The following ADAMTS12 variants were observed in gnomAD, a reference collection of about 807,000 sequenced individuals.
ADAMTS12 encodes the protein ADAM metallopeptidase with thrombospondin type 1 motif 12.
ADAMTS12 carries 118 observed loss-of-function variants against 167.8 expected under a neutral mutation model. The observed-to-expected ratio is 0.70, with a 90% CI of 0.61 to 0.82. ADAMTS12 has a LOEUF of 0.82. Among genes scored for constraint, ADAMTS12 ranks in the 40% least tolerant of loss-of-function variants. The pLI, the probability that ADAMTS12 is intolerant of heterozygous loss-of-function variation, is 0.00. For missense variants in ADAMTS12, 1,916 were observed against 1,998.8 expected, an observed-to-expected ratio of 0.96 and a Z score of 0.79; for synonymous variants, 704 against 716.9, an observed-to-expected ratio of 0.98 and a Z score of 0.29.
intron 1 of ADAMTS12, 83 bp from the exon 2 acceptor site, chr5:33,881,563 G>GT: frequency 1.4e-6 from 2 of 1,434,100 alleles, no homozygotes; most frequent in Non-Finnish European, 1.8e-6. Flanking sequence ...TTGAATGCTA[G>GT]CTTTTTTTTT....
intron 2 of ADAMTS12, among the ~76,000 whole-genome samples, chr5:33,763,449 G>A (rs1406507416): frequency 6.6e-6 from 1 of 152,176 alleles, no homozygotes; most frequent in Non-Finnish European, 1.5e-5. Flanking sequence ...CAAAAGGAAG[G>A]TAGCCATGGC....
At chr5:33,800,177 T>A (rs1037690917) in intron 2 of ADAMTS12, among the ~76,000 whole-genome samples, 1 of 152,234 alleles carries the variant, frequency 6.6e-6, no homozygotes, top group African/African-American at 2.4e-5. Flanking sequence ...ATTTGGTGAA[T>A]AGCTCAGTCA....
chr5:33,870,640 G>A (rs1338370109), intron 2 of ADAMTS12, among the ~76,000 whole-genome samples: 3 of 152,166 alleles, frequency 2.0e-5, no homozygotes, highest in African/African-American at 7.2e-5. Flanking sequence ...AAATGATATG[G>A]TTTGGATTTG....
At chr5:33,813,339 C>T (rs1479402027) in intron 2 of ADAMTS12, among the ~76,000 whole-genome samples, 2 of 152,184 alleles carry the variant, frequency 1.3e-5, no homozygotes, top group African/African-American at 4.8e-5. Context: ...AAGGTGAGCA[C>T]ATTTTGATGC....
chr5:33,878,218 C>T (rs529786385), intron 2 of ADAMTS12, among the ~76,000 whole-genome samples: 1 of 152,252 alleles, frequency 6.6e-6, no homozygotes, highest in South Asian at 2.1e-4. Flanking sequence ...AGCAAATGAA[C>T]TTGAATCCAG....
intron 22 of ADAMTS12, among the ~76,000 whole-genome samples, chr5:33,539,550 C>A (rs1386646986): frequency 6.6e-6 from 1 of 152,170 alleles, no homozygotes; most frequent in Non-Finnish European, 1.5e-5. Flanking sequence ...GATATTTGAT[C>A]TTTTCTCTTT....
At chr5:33,588,346 C>T (rs1354202177) in intron 18 of ADAMTS12, among the ~76,000 whole-genome samples, 1 of 152,098 alleles carries the variant, frequency 6.6e-6, no homozygotes, top group Non-Finnish European at 1.5e-5. Context: ...TCTTTGTGAT[C>T]CTGTACTGGG....
At chr5:33,626,585 T>G (rs1311329611) in intron 13 of ADAMTS12, among the ~76,000 whole-genome samples, 2 of 135,288 alleles carry the variant, frequency 1.5e-5, no homozygotes, top group African/African-American at 2.8e-5. Flanking sequence ...TGGTGGTGAT[T>G]TAATGGTAAT....
At chr5:33,717,553 C>A (rs1388650713) in intron 3 of ADAMTS12, among the ~76,000 whole-genome samples, 1 of 152,140 alleles carries the variant, frequency 6.6e-6, no homozygotes, top group Non-Finnish European at 1.5e-5. Flanking sequence ...GGGACTGAAA[C>A]AGCCGATTTG....
intron 2 of ADAMTS12, among the ~76,000 whole-genome samples, chr5:33,833,416 A>AG (rs1262004325): frequency 1.3e-5 from 2 of 152,212 alleles, no homozygotes; most frequent in African/African-American, 4.8e-5. Flanking sequence ...AGGGGAGCTC[A>AG]GGGACTTTGT....
chr5:33,784,200 AT>A (rs1319488297), intron 2 of ADAMTS12, among the ~76,000 whole-genome samples: 1 of 151,894 alleles, frequency 6.6e-6, no homozygotes, highest in Non-Finnish European at 1.5e-5. Context: ...ATGAGGGAGA[AT>A]TTTCAACCTT....
intron 5 of ADAMTS12, among the ~76,000 whole-genome samples, chr5:33,669,038 G>A (rs1561204855): frequency 6.6e-6 from 1 of 152,180 alleles, no homozygotes. Context: ...TTAATAAAGA[G>A]ATGTAAAGTA....
chr5:33,770,574 A>G (rs1318557535), intron 2 of ADAMTS12, among the ~76,000 whole-genome samples: 1 of 152,152 alleles, frequency 6.6e-6, no homozygotes, highest in African/African-American at 2.4e-5. Context: ...AGAAAAATTC[A>G]GGGGTCTAAG....
chr5:33,730,144 C>T (rs1262500427), intron 3 of ADAMTS12, among the ~76,000 whole-genome samples: 1 of 152,172 alleles, frequency 6.6e-6, no homozygotes, highest in African/African-American at 2.4e-5. Flanking sequence ...GGTTACAGAT[C>T]AAATATGAAA....
At chr5:33,820,391 G>A (rs572159837) in intron 2 of ADAMTS12, among the ~76,000 whole-genome samples, 1 of 152,162 alleles carries the variant, frequency 6.6e-6, no homozygotes, top group Non-Finnish European at 1.5e-5. Context: ...TTTTAAGTAT[G>A]CTTTTGCATT....
At chr5:33,788,317 G>A (rs1465438) in intron 2 of ADAMTS12, among the ~76,000 whole-genome samples, 1 of 151,702 alleles carries the variant, frequency 6.6e-6, no homozygotes, top group Non-Finnish European at 1.5e-5. Flanking sequence ...TAAATACGCA[G>A]AAGTTCAAGG....
intron 3 of ADAMTS12, among the ~76,000 whole-genome samples, chr5:33,709,830 C>T (rs1743330336): frequency 6.6e-6 from 1 of 151,988 alleles, no homozygotes; most frequent in East Asian, 1.9e-4. Flanking sequence ...TGTAATAAAC[C>T]TGCACATGTA....
At chr5:33,652,400 A>G (rs1304608104) in intron 7 of ADAMTS12, among the ~76,000 whole-genome samples, 1 of 151,884 alleles carries the variant, frequency 6.6e-6, no homozygotes, top group Admixed American at 6.6e-5. Flanking sequence ...AGGATTTTTT[A>G]TATGTTTATT....
chr5:33,864,190 C>A (rs1368455004), intron 2 of ADAMTS12, among the ~76,000 whole-genome samples: 1 of 152,200 alleles, frequency 6.6e-6, no homozygotes, highest in Admixed American at 6.5e-5. Flanking sequence ...TATGAACAGA[C>A]ACTTCTCAAA....
Sources: gnomAD v4.1 joint callset for allele counts (sites outside exome capture counted in the v4.1 genomes callset) on GRCh38, gnomAD v4.1.1 for gene constraint, MANE v1.5 for transcripts, NCBI Gene and HGNC (gene_info 2026-07-23, HGNC 2026-07-21) for gene names.